KCNH1: variants seen among roughly 807,000 people sequenced by gnomAD.
The protein encoded by KCNH1 is voltage-gated delayed rectifier potassium channel KCNH1.
KCNH1 carries 27 observed loss-of-function variants against 69.2 expected under a neutral mutation model. The observed-to-expected ratio is 0.39, with a 90% CI of 0.29 to 0.54. KCNH1 has a LOEUF of 0.54. KCNH1 is among the 20% of genes least tolerant of loss of function. The pLI is 0.68. For missense variants in KCNH1, 798 were observed against 1,261.6 expected, an observed-to-expected ratio of 0.63 and a Z score of 5.57; for synonymous variants, 456 against 487.7, an observed-to-expected ratio of 0.93 and a Z score of 0.86.
chr1:210,840,444 G>T lies in KCNH1; in HGVS notation c.1463-36278C>A, dbSNP rs116590222. Among the ~76,000 whole-genome samples, 599 of 152,274 alleles carry T rather than the reference G, an allele frequency of 3.9e-3. 6 individuals are homozygous for T. The highest frequency in any genetic ancestry group is 0.014 in the African/African-American group (572 of 41,560). ...AGAAACCATGAGGAACAACTGACTG[G>T]GGCTGCTTCGCAACAGTTATTTGCA... On this transcript the variant is annotated intron_variant, in intron 7 of 10. Transcript: ENST00000271751.
At chr1:211,097,786 C>T (rs1037854305) in intron 3 of KCNH1, among the ~76,000 whole-genome samples, 2 of 152,216 alleles carry the variant, frequency 1.3e-5, no homozygotes, top group African/African-American at 4.8e-5. Flanking sequence ...AGATGCCTTT[C>T]CCTGGGCTTC....
At chr1:210,978,816 C>G (rs963605671) in intron 6 of KCNH1, among the ~76,000 whole-genome samples, 4 of 152,188 alleles carry the variant, frequency 2.6e-5, no homozygotes, top group African/African-American at 9.7e-5. Flanking sequence ...AGGCTTTCAT[C>G]CTCTACCAGT....
intron 7 of KCNH1, among the ~76,000 whole-genome samples, chr1:210,855,594 G>A (rs997919754): frequency 1.3e-5 from 2 of 152,202 alleles, no homozygotes; most frequent in Non-Finnish European, 2.9e-5. Flanking sequence ...TGAGAATATA[G>A]ACTGAGCCAG....
chr1:210,695,293 G>T (rs1681615076), intron 10 of KCNH1, among the ~76,000 whole-genome samples: 1 of 152,216 alleles, frequency 6.6e-6, no homozygotes, highest in African/African-American at 2.4e-5. Context: ...GTGCTTTCAT[G>T]AGGAATTTTT....
chr1:211,076,733 T>C (rs1308455508), intron 5 of KCNH1, among the ~76,000 whole-genome samples: 1 of 152,126 alleles, frequency 6.6e-6, no homozygotes, highest in Non-Finnish European at 1.5e-5. Flanking sequence ...TCGCCAGCAA[T>C]GGAACAAAGC....
At chr1:210,851,396 C>T (rs774979136) in intron 7 of KCNH1, among the ~76,000 whole-genome samples, 2 of 152,194 alleles carry the variant, frequency 1.3e-5, no homozygotes, top group African/African-American at 4.8e-5. Context: ...AAATGTCACA[C>T]GACACCGTAA....
intron 7 of KCNH1, chr1:210,861,697 A>T: frequency 2.6e-6 from 2 of 774,332 alleles, no homozygotes; most frequent in East Asian, 4.9e-5. Context: ...TTTCTGGATG[A>T]CGACAGACTG....
intron 8 of KCNH1, 32 bp from the exon 9 acceptor site, chr1:210,797,792 G>T: frequency 1.3e-6 from 2 of 1,592,418 alleles, no homozygotes; most frequent in African/African-American, 1.3e-5. Context: ...CAGTGTGAGG[G>T]TCCTCACTGT....
At chr1:210,895,823 G>A (rs1416708390) in intron 7 of KCNH1, among the ~76,000 whole-genome samples, 1 of 152,066 alleles carries the variant, frequency 6.6e-6, no homozygotes, top group Non-Finnish European at 1.5e-5. Context: ...CTGTCTCTCT[G>A]CTTTTGCTTT....
chr1:210,933,281 C>T (rs1687711628), intron 6 of KCNH1, among the ~76,000 whole-genome samples: 1 of 151,724 alleles, frequency 6.6e-6, no homozygotes, highest in Admixed American at 6.6e-5. Flanking sequence ...CCAAACACCA[C>T]ATATTCTCAC....
At chr1:211,121,836 A>G (rs1269250252) in intron 1 of KCNH1, among the ~76,000 whole-genome samples, 1 of 152,176 alleles carries the variant, frequency 6.6e-6, no homozygotes. Context: ...TATTTACAAG[A>G]GAAAAACAAA....
At chr1:210,698,111 T>G (rs1239737345) in intron 10 of KCNH1, among the ~76,000 whole-genome samples, 1 of 152,170 alleles carries the variant, frequency 6.6e-6, no homozygotes, top group Non-Finnish European at 1.5e-5. Flanking sequence ...GGAGTAACCT[T>G]AAGTATTTCA....
chr1:210,946,745 G>A (rs1574354012), intron 6 of KCNH1, among the ~76,000 whole-genome samples: 2 of 152,170 alleles, frequency 1.3e-5, no homozygotes, highest in South Asian at 4.2e-4. Flanking sequence ...CTCCAGTCAC[G>A]CTGAACAACT....
intron 10 of KCNH1, among the ~76,000 whole-genome samples, chr1:210,690,566 C>T (rs1442855896): frequency 6.6e-6 from 1 of 152,144 alleles, no homozygotes; most frequent in Non-Finnish European, 1.5e-5. Context: ...ACTTAAAACA[C>T]TGAAAAACAA....
intron 1 of KCNH1, among the ~76,000 whole-genome samples, chr1:211,115,730 T>TACACAC (rs1553381313): frequency 2.3e-5 from 2 of 87,022 alleles, no homozygotes; most frequent in Admixed American, 1.1e-4. Flanking sequence ...TATATATATA[T>TACACAC]ACACACACAC....
chr1:211,040,055 G>A (rs993626291), intron 5 of KCNH1, among the ~76,000 whole-genome samples: 5 of 152,132 alleles, frequency 3.3e-5, no homozygotes, highest in Non-Finnish European at 5.9e-5. Context: ...GCTGGGCGTG[G>A]TGGCGGGCGC....
At chr1:210,758,205 G>A (rs1188199615) in intron 10 of KCNH1, among the ~76,000 whole-genome samples, 4 of 152,220 alleles carry the variant, frequency 2.6e-5, no homozygotes, top group Non-Finnish European at 5.9e-5. Context: ...TGGTGACCTG[G>A]AAGTGGAGGT....
At chr1:210,815,231 C>G (rs1035385837) in intron 7 of KCNH1, among the ~76,000 whole-genome samples, 7 of 152,116 alleles carry the variant, frequency 4.6e-5, no homozygotes, top group African/African-American at 1.7e-4. Flanking sequence ...TTATGCTATA[C>G]CAATAAATAC....
intron 10 of KCNH1, among the ~76,000 whole-genome samples, chr1:210,698,330 A>G (rs1681690681): frequency 6.6e-6 from 1 of 152,078 alleles, no homozygotes; most frequent in Non-Finnish European, 1.5e-5. Flanking sequence ...CCCACAGCTT[A>G]CCCCGTGGGA....
Sources: gnomAD v4.1 joint callset for allele counts (sites outside exome capture counted in the v4.1 genomes callset) on GRCh38, gnomAD v4.1.1 for gene constraint, MANE v1.5 for transcripts, NCBI Gene and HGNC (gene_info 2026-07-23, HGNC 2026-07-21) for gene names.